SCN7A: variants seen among roughly 807,000 people sequenced by gnomAD.
SCN7A encodes sodium channel protein type 7 subunit alpha.
Under a neutral mutation model 155.2 loss-of-function variants are expected in SCN7A, and 138 were observed. The observed-to-expected ratio is 0.89, with a 90% CI of 0.77 to 1.02. The LOEUF is 1.02. Ranked by LOEUF, SCN7A falls within the 50% of genes least tolerant of loss-of-function variation. The pLI, the probability that SCN7A is intolerant of heterozygous loss-of-function variation, is 0.00. For synonymous variants in SCN7A, 693 were observed against 649.0 expected, an observed-to-expected ratio of 1.07 and a Z score of -1.03; for missense variants, 2,058 against 1,986.6, an observed-to-expected ratio of 1.04 and a Z score of -0.68.
rs1237286486 is a variant in SCN7A at position 166,414,165 on chromosome 2, TTA to T, written c.3415-1046_3415-1045del. Among the ~76,000 whole-genome samples the T allele has an allele frequency of 3.1e-3, 175 of 56,780 alleles. 2 individuals carry two copies. The highest frequency in any genetic ancestry group is 4.6e-3 in the Non-Finnish European group (140 of 30,724). 37.2% of individuals were successfully genotyped at this position (56,780 alleles called of 152,430 possible). ...AATATATATAAATATATATAATATA[TTA>T]TATATATGTAAATATATATAATATA... On this transcript the variant is annotated intron_variant, in intron 21 of 25. Coordinates refer to ENST00000643258, the MANE Select transcript of SCN7A (RefSeq NM_002976.4).
At chr2:166,425,351 T>C in intron 18 of SCN7A, among the ~76,000 whole-genome samples, 1 of 152,102 alleles carries the variant, frequency 6.6e-6, no homozygotes, top group Admixed American at 6.6e-5. Flanking sequence ...CTGGTACCTA[T>C]GCAAGACCTA....
rs765445532 is a variant in SCN7A, at chr2:166,473,815, A to G, written c.427T>C (p.Trp143Arg). The change falls in exon 5 of 26, where the codon TGG becomes CGG. Residue 143 changes from tryptophan to arginine, a missense_variant. Physicochemically the swap from Trp to Arg is moderately radical, Grantham distance 101. Coordinates refer to ENST00000643258, the MANE Select transcript of SCN7A (RefSeq NM_002976.4). ...VFMSLTNLPK[W>R]RPVLENTLLG... ...ATAACATACTCTAATACTGGTCTCC[A>G]TTTTGGCAAATTAGTCAGGGACATG... 3 of 1,520,204 alleles carry G rather than the reference A, an allele frequency of 2.0e-6. No individual in the cohort carries two copies. The South Asian group carries it at 3.8e-5, about 19-fold the overall frequency. The allele number at this position is 1,520,204 out of a possible 1,614,324, so 94.2% of individuals were successfully genotyped here.
At chr2:166,449,254 C>T (rs1702128909) in intron 11 of SCN7A, among the ~76,000 whole-genome samples, 2 of 151,930 alleles carry the variant, frequency 1.3e-5, no homozygotes, top group African/African-American at 4.8e-5. Context: ...TATAGTGATC[C>T]CTGTTTTTAC....
At position 166,447,629 on chromosome 2, in the gene SCN7A, G is replaced by A. The variant is rs1319126400; in HGVS notation, c.1370C>T (p.Thr457Ile). ...DTSLDVLEDATLRHKEELEKS... is the reference protein window; with the variant it reads ...DTSLDVLEDAILRHKEELEKS... ...TACTTTACCTTCCTTATGTCTGAGAGTAGCATCTTCCAACACATCCAATGA... is the reference window on the plus strand; with the variant it reads ...TACTTTACCTTCCTTATGTCTGAGAATAGCATCTTCCAACACATCCAATGA... Residue 457 changes from threonine (T) to isoleucine (I), a missense_variant, in exon 12 of 26, where the codon ACT becomes ATT. Coordinates refer to ENST00000643258, the MANE Select transcript of SCN7A (RefSeq NM_002976.4). 6.2e-6 allele frequency: 10 copies of A among 1,609,746 alleles called. No individual in the cohort carries two copies. The highest frequency in any genetic ancestry group is 8.5e-6 in the Non-Finnish European group (10 of 1,176,486).
chr2:166,444,832 A>G lies in SCN7A; in HGVS notation c.1556T>C (p.Val519Ala). 2 of 1,611,250 alleles carry G rather than the reference A, an allele frequency of 1.2e-6. No homozygotes were observed. The highest frequency in any genetic ancestry group is 1.1e-5 in the South Asian group (1 of 90,634). Residue 519 changes from valine (V) to alanine (A), a missense_variant, in exon 13 of 26, where the codon GTA becomes GCA. Coordinates refer to ENST00000643258, the MANE Select transcript of SCN7A (RefSeq NM_002976.4). ...ATAATGCTCCAAGGTCAGAAAACATACGTTTAAAATTATGCATATGATAAG... is the reference window on the plus strand; with the variant it reads ...ATAATGCTCCAAGGTCAGAAAACATGCGTTTAAAATTATGCATATGATAAG... The part of the protein sequence containing the change: ...LFLIICIILN[V>A]CFLTLEHYPM...
intron 7 of SCN7A, among the ~76,000 whole-genome samples, chr2:166,469,476 AAT>A (rs1702607607): frequency 6.6e-6 from 1 of 151,754 alleles, no homozygotes; most frequent in African/African-American, 2.4e-5. Context: ...CTTTCTATTA[AAT>A]ATATGTTTCT....
chr2:166,483,349 C>T (rs970526376), intron 2 of SCN7A, among the ~76,000 whole-genome samples: 3 of 152,006 alleles, frequency 2.0e-5, no homozygotes, highest in African/African-American at 7.2e-5. Flanking sequence ...AATTATTTTA[C>T]TTTCTCACAT....
Position 166,421,219 on chromosome 2 carries a change from T to C in SCN7A, c.3106A>G (p.Arg1036Gly). ...LISMKFLRPL[R>G]VLSQFERMKV... is the part of the protein sequence containing the mutation. The stretch of plus-strand genomic sequence containing the variant: ...ATTCTTTCAAATTGAGATAGAACTC[T>C]GAGGGGCCGAAGGAATTTCATGGAA... Residue 1036 changes from arginine to glycine, a missense_variant, in exon 20 of 26, where the codon AGA (arginine) becomes GGA (glycine). Coordinates refer to ENST00000643258, the MANE Select transcript of SCN7A (RefSeq NM_002976.4). 1 of 1,535,864 alleles carries C rather than the reference T, an allele frequency of 6.5e-7. No individual in the cohort carries two copies. Among genetic ancestry groups the C allele is most frequent in the Non-Finnish European group, 8.8e-7 (1 of 1,141,792 alleles).
chr2:166,459,045 T>C (rs1702345906), intron 10 of SCN7A, among the ~76,000 whole-genome samples: 1 of 152,210 alleles, frequency 6.6e-6, no homozygotes, highest in South Asian at 2.1e-4. Context: ...TCATGGATTT[T>C]AGTATCCACC....
At chr2:166,451,959 C>T (rs1346338641) in intron 11 of SCN7A, among the ~76,000 whole-genome samples, 1 of 152,026 alleles carries the variant, frequency 6.6e-6, no homozygotes, top group Admixed American at 6.6e-5. Flanking sequence ...AGATAATACA[C>T]TTTTCAGATA....
At chr2:166,414,068 T>TGTAA (rs1701272191) in intron 21 of SCN7A, among the ~76,000 whole-genome samples, 2 of 73,860 alleles carry the variant, frequency 2.7e-5, no homozygotes, top group African/African-American at 1.0e-4. Context: ...AAAAATATAT[T>TGTAA]ATATATGTAA....
intron 7 of SCN7A, among the ~76,000 whole-genome samples, chr2:166,467,238 G>C (rs1410247512): frequency 6.6e-6 from 1 of 151,726 alleles, no homozygotes; most frequent in African/African-American, 2.4e-5. Flanking sequence ...GGAACATTTT[G>C]AAATATTGTT....
At chr2:166,455,664 CA>C (rs1357477860) in intron 11 of SCN7A, among the ~76,000 whole-genome samples, 1 of 152,132 alleles carries the variant, frequency 6.6e-6, no homozygotes, top group Non-Finnish European at 1.5e-5. Context: ...ACCCACATAA[CA>C]AACCTGCACA....
rs1177888543 is a variant in SCN7A, at chr2:166,414,271, C to CAT, written c.3415-1152_3415-1151dup. 3.7e-3 allele frequency among the ~76,000 whole-genome samples: 104 copies of CAT among 27,768 alleles called. 7 individuals carry two copies. The highest frequency in any genetic ancestry group is 0.028 in the Admixed American group (58 of 2,068). The allele number at this position is 27,768 out of a possible 152,430, so 18.2% of individuals were successfully genotyped here. A position where few individuals can be genotyped will look rare whatever the true frequency, so the allele number is the denominator to read the frequency against. ...ATATATATAGATATATATACACACA[C>CAT]ATATATATATATATACACACACATA... On this transcript the variant is annotated intron_variant, in intron 21 of 25. Transcript: ENST00000643258.
intron 16 of SCN7A, among the ~76,000 whole-genome samples, chr2:166,429,481 C>T (rs1349744314): frequency 6.6e-6 from 1 of 152,002 alleles, no homozygotes; most frequent in Non-Finnish European, 1.5e-5. Flanking sequence ...TTGTATGATA[C>T]TTACTTTAAG....
intron 14 of SCN7A, among the ~76,000 whole-genome samples, chr2:166,442,764 T>C (rs969225021): frequency 3.9e-5 from 6 of 152,190 alleles, no homozygotes; most frequent in African/African-American, 1.2e-4. Context: ...TAGCACATTT[T>C]CTGCAATTGC....
intron 20 of SCN7A, among the ~76,000 whole-genome samples, chr2:166,418,113 ATTTT>A (rs941571761): frequency 6.7e-5 from 10 of 149,866 alleles, no homozygotes; most frequent in Non-Finnish European, 1.0e-4. Flanking sequence ...TAGCTTTTTT[ATTTT>A]TTTATTTATT....
Position 166,461,299 on chromosome 2 carries a change from A to G in SCN7A, c.1083+1090T>C, listed in dbSNP as rs540490717. On this transcript the variant is annotated intron_variant, in intron 10 of 25. Coordinates refer to ENST00000643258, the MANE Select transcript of SCN7A (RefSeq NM_002976.4). ...AAATAAAGAATGTTCTCCTTCAACT[A>G]TGAATAACTTCAGAAGTTAGAGTAA... 2.6e-5 allele frequency among the ~76,000 whole-genome samples: 4 copies of G among 152,274 alleles called. No homozygotes were observed. In the East Asian group the frequency reaches 7.7e-4, roughly 29 times the overall value.
At chr2:166,457,200 C>A (rs952385030) in intron 10 of SCN7A, 124 bp from the exon 11 acceptor site, 4 of 696,234 alleles carry the variant, frequency 5.7e-6, no homozygotes, top group Admixed American at 6.0e-5. Context: ...GGAATGTAAT[C>A]ATAAGACTGT....
Sources: gnomAD v4.1 joint callset for allele counts (sites outside exome capture counted in the v4.1 genomes callset) on GRCh38, gnomAD v4.1.1 for gene constraint, MANE v1.5 for transcripts, NCBI Gene and HGNC (gene_info 2026-07-23, HGNC 2026-07-21) for gene names.